LYST: variants seen among roughly 807,000 people sequenced by gnomAD.
LYST encodes lysosomal trafficking regulator.
LYST carries 192 observed loss-of-function variants against 413.6 expected under a neutral mutation model. That is an observed-to-expected ratio of 0.46 (90% confidence interval 0.41 to 0.52). The LOEUF (loss-of-function observed/expected upper bound fraction) is 0.52, where lower values mean the gene tolerates loss of function less well. Among genes scored for constraint, LYST ranks in the 20% least tolerant of loss-of-function variants. LYST has a pLI of 0.00. For missense variants in LYST, 3,815 were observed against 4,499.9 expected (o/e 0.85, Z 4.35); for synonymous variants, 1,525 against 1,567.3 (o/e 0.97, Z 0.64).
At chr1:235,667,619 T>C (rs1271215926) in intron 50 of LYST, among the ~76,000 whole-genome samples, 1 of 152,128 alleles carries the variant, frequency 6.6e-6, no homozygotes, top group East Asian at 1.9e-4. Flanking sequence ...GTCCTTGATA[T>C]AAAATGGTGT....
intron 40 of LYST, among the ~76,000 whole-genome samples, chr1:235,720,266 C>T (rs901849900): frequency 2.1e-5 from 3 of 142,810 alleles, no homozygotes; most frequent in Non-Finnish European, 3.0e-5. Context: ...TGATTCAAGA[C>T]AACCAACTAT....
chr1:235,739,636 C>T (rs1203281041), intron 31 of LYST, among the ~76,000 whole-genome samples: 1 of 137,020 alleles, frequency 7.3e-6, no homozygotes, highest in Non-Finnish European at 1.6e-5. Flanking sequence ...AAAAAAAAAA[C>T]GTAGTCAAAT....
intron 21 of LYST, among the ~76,000 whole-genome samples, chr1:235,765,061 A>T (rs1253950856): frequency 1.3e-5 from 2 of 152,070 alleles, no homozygotes; most frequent in African/African-American, 4.8e-5. Context: ...CAGTGGTCTC[A>T]TCTGTTCTCA....
chr1:235,806,624 C>T lies in LYST; in HGVS notation c.2512G>A (p.Asp838Asn). ...GEQQKDASVP[D>N]IDGIDIEQKE... ...TGTTCAATGTCTATCCCATCAATAT[C>T]TGGAACTGAGGCATCTTTCTGTTGC... Residue 838 changes from aspartate to asparagine, a missense_variant, in exon 6 of 53, where the codon GAT (aspartate) becomes AAT (asparagine). Physicochemically the swap from Asp to Asn is conservative, Grantham distance 23. Coordinates refer to ENST00000389793, the MANE Select transcript of LYST (RefSeq NM_000081.4). 8.1e-6 allele frequency: 13 copies of T among 1,614,064 alleles called. No individual in the cohort carries two copies. Among genetic ancestry groups the T allele is most frequent in the Non-Finnish European group, 1.1e-5 (13 of 1,179,980 alleles).
intron 28 of LYST, among the ~76,000 whole-genome samples, chr1:235,749,931 G>A (rs1666317013): frequency 6.6e-6 from 1 of 152,140 alleles, no homozygotes; most frequent in Non-Finnish European, 1.5e-5. Context: ...CCAGGCACAA[G>A]GTGATAATTA....
intron 1 of LYST, among the ~76,000 whole-genome samples, chr1:235,873,048 G>A (rs1375867294): frequency 6.6e-6 from 1 of 152,198 alleles, no homozygotes; most frequent in Non-Finnish European, 1.5e-5. Context: ...AGAAAGAGAA[G>A]CAGGAGAAAG....
In LYST at chr1:235,802,974, C is replaced by T. The variant is rs1238737369; in HGVS notation, c.3646G>A (p.Val1216Ile). Residue 1216 changes from valine to isoleucine, a missense_variant, in exon 8 of 53, where the codon GTT (valine) becomes ATT (isoleucine). Around this residue, in one of 4 missense-constraint regions of LYST, gnomAD observed 1,648 missense variants for 1,810.3 expected, o/e 0.91. Transcript: ENST00000389793. Reference sequence around the variant, plus strand: ...TCTGCTTCGTAACCTTCTTCTTCAACTAAAAGTTTAAAACTACAACACTGA... The same window carrying T: ...TCTGCTTCGTAACCTTCTTCTTCAATTAAAAGTTTAAAACTACAACACTGA... ...DSQCCSFKLL[V>I]EEEGYEADSE... 2.5e-6 allele frequency: 4 copies of T among 1,613,582 alleles called. No homozygotes were observed. The highest frequency in any genetic ancestry group is 3.4e-6 in the Non-Finnish European group (4 of 1,179,786).
chr1:235,827,798 A>G, intron 3 of LYST: 1 of 829,950 alleles, frequency 1.2e-6, no homozygotes, highest in Non-Finnish European at 1.5e-6. Flanking sequence ...TAGTCATTTA[A>G]TATCTTAAAA....
intron 12 of LYST, among the ~76,000 whole-genome samples, chr1:235,790,726 G>A (rs1670890003): frequency 2.6e-5 from 4 of 152,084 alleles, no homozygotes; most frequent in Non-Finnish European, 5.9e-5. Flanking sequence ...ACCATAAATT[G>A]CTTTTCAATG....
At chr1:235,840,581 G>A (rs1211386500) in intron 1 of LYST, among the ~76,000 whole-genome samples, 4 of 152,072 alleles carry the variant, frequency 2.6e-5, no homozygotes, top group African/African-American at 7.2e-5. Flanking sequence ...CCTAAACATC[G>A]GTATTTTTAA....
At chr1:235,737,916 A>AAAGCAATT in intron 31 of LYST, 23 of 1,163,400 alleles carry the variant, frequency 2.0e-5, no homozygotes, top group South Asian at 1.2e-4. Flanking sequence ...GCTGCCGACG[A>AAAGCAATT]GTCTGGATCT....
intron 12 of LYST, among the ~76,000 whole-genome samples, chr1:235,791,284 A>G (rs1670960581): frequency 6.6e-6 from 1 of 152,138 alleles, no homozygotes; most frequent in Admixed American, 6.6e-5. Context: ...CTGTCTCAAA[A>G]AAAAAGAGAG....
intron 22 of LYST, among the ~76,000 whole-genome samples, chr1:235,762,363 T>C (rs1291792642): frequency 1.3e-5 from 2 of 152,060 alleles, no homozygotes; most frequent in Admixed American, 6.6e-5. Flanking sequence ...AGTCAAAAAA[T>C]GTGAAGCTGG....
At chr1:235,703,516 C>T (rs1311857778) in intron 44 of LYST, among the ~76,000 whole-genome samples, 1 of 152,100 alleles carries the variant, frequency 6.6e-6, no homozygotes, top group East Asian at 1.9e-4. Flanking sequence ...GAGAGCAATG[C>T]ACATTTACTT....
At position 235,663,006 on chromosome 1, in the gene LYST, C is replaced by T; in HGVS notation, c.11340G>A (p.Arg3780=). The T allele has an allele frequency of 6.2e-7, 1 of 1,614,060 alleles. No homozygotes were observed. The highest frequency in any genetic ancestry group is 8.5e-7 in the Non-Finnish European group (1 of 1,179,956). Residue 3780 remains arginine, a synonymous_variant, in exon 53 of 53, where the codon CGG becomes CGA. Transcript: ENST00000389793. ...GCTGTTTCAAGCGCTGCTGGTCCTT[C>T]CGACACCAGGCAATCACGGTCCCAT... ...NSDGTVIAWC[R]KDQQRLKQPM... is the part of the protein sequence containing the mutation.
intron 3 of LYST, among the ~76,000 whole-genome samples, chr1:235,818,022 T>C (rs1328860003): frequency 6.7e-6 from 1 of 150,260 alleles, no homozygotes; most frequent in Non-Finnish European, 1.5e-5. Context: ...TATACACACA[T>C]GTCAATTTTG....
intron 31 of LYST, chr1:235,737,313 C>T (rs1664905147): frequency 6.6e-6 from 1 of 152,078 alleles, no homozygotes; most frequent in Non-Finnish European, 1.5e-5. Flanking sequence ...AAGATATCAA[C>T]ATTAGTAAGA....
intron 31 of LYST, chr1:235,738,150 G>A (rs1374404631): frequency 6.2e-6 from 10 of 1,609,048 alleles, no homozygotes; most frequent in Non-Finnish European, 8.5e-6. Context: ...ACTTGCTCTT[G>A]TTGATGTCAT....
intron 42 of LYST, among the ~76,000 whole-genome samples, chr1:235,713,914 T>C (rs369207016): frequency 2.6e-5 from 4 of 152,304 alleles, no homozygotes; most frequent in South Asian, 4.1e-4. Flanking sequence ...ACATTCATAA[T>C]AGTAACATGA....
Sources: allele counts gnomAD v4.1 joint callset (sites outside exome capture counted in the v4.1 genomes callset), GRCh38; gene constraint gnomAD v4.1.1; regional missense constraint gnomAD v4.1.1; transcripts MANE v1.5; gene names NCBI Gene and HGNC (gene_info 2026-07-23, HGNC 2026-07-21).